ZNF66: variants seen among roughly 807,000 people sequenced by gnomAD.
ZNF66 encodes the protein zinc finger protein 66, also known as putative zinc finger protein 66.
In ZNF66, 32 loss-of-function variants were observed where a neutral mutation model predicts 35.2. That is an observed-to-expected ratio of 0.91 (90% CI 0.69 to 1.22). The LOEUF (loss-of-function observed/expected upper bound fraction) is 1.22, where lower values mean the gene tolerates loss of function less well. ZNF66 is among the 50% of genes most tolerant of loss of function. ZNF66 has a pLI of 0.00. For synonymous variants in ZNF66, 231 were observed against 181.3 expected (o/e 1.27, Z -2.20); for missense variants, 666 against 543.1 (o/e 1.23, Z -2.25).
rs759797562 is a variant in ZNF66 at position 20,809,109 on chromosome 19, T to G, written c.*1787T>G. ...GTGATGGAAGATGAAATGAATGAAA[T>G]GAAGTGAGAAGGGAAGTTTAGAGAA... On this transcript the variant is annotated 3_prime_UTR_variant, in exon 4 of 4. Coordinates refer to ENST00000344519, the MANE Select transcript of ZNF66 (RefSeq NM_001355197.2). Among the ~76,000 whole-genome samples, 11 of 151,294 alleles carry G rather than the reference T, an allele frequency of 7.3e-5. No individual in the cohort carries two copies. Among genetic ancestry groups the G allele is most frequent in the Admixed American group, 6.6e-5 (1 of 15,172 alleles).
At chr19:20,788,201 T>C (rs1971305158) in intron 1 of ZNF66, among the ~76,000 whole-genome samples, 1 of 152,154 alleles carries the variant, frequency 6.6e-6, no homozygotes, top group Non-Finnish European at 1.5e-5. Context: ...TGCTTCAATT[T>C]CATATAGCCA....
At chr19:20,779,182 C>G (rs1482536161) in intron 1 of ZNF66, among the ~76,000 whole-genome samples, 1 of 148,192 alleles carries the variant, frequency 6.7e-6, no homozygotes, top group African/African-American at 2.5e-5. Context: ...ACTTTCTGTA[C>G]TTTGTAAAAT....
At chr19:20,804,840 T>C (rs1470743609) in intron 3 of ZNF66, among the ~76,000 whole-genome samples, 2 of 152,206 alleles carry the variant, frequency 1.3e-5, no homozygotes, top group Non-Finnish European at 2.9e-5. Context: ...AATTGGCTTA[T>C]TCATATTTCT....
At chr19:20,794,533 G>A (rs1399375359) in intron 3 of ZNF66, 3 of 150,824 alleles carry the variant, frequency 2.0e-5, no homozygotes, top group African/African-American at 7.3e-5. Flanking sequence ...AATCACTTTG[G>A]ATAATATGAT....
At position 20,806,934 on chromosome 19, in the gene ZNF66, T is replaced by C. The variant is rs754970181; in HGVS notation, c.1334T>C (p.Ile445Thr). Residue 445 changes from isoleucine to threonine, a missense_variant, in exon 4 of 4, where the codon ATA (isoleucine) becomes ACA (threonine). Transcript: ENST00000344519. ...SRSSILTTHK[I>T]IHTGEKPYEC... ...TCCTCTATTCTTACTACACATAAGA[T>C]AATTCACACTGGAGAGAAACCCTAC... The C allele has an allele frequency of 5.2e-6, 6 of 1,158,148 alleles. No individual in the cohort carries two copies. The highest frequency in any genetic ancestry group is 6.5e-6 in the Non-Finnish European group (5 of 768,066). The allele number at this position is 1,158,148 out of a possible 1,614,324, so 71.7% of individuals were successfully genotyped here.
intron 1 of ZNF66, among the ~76,000 whole-genome samples, chr19:20,785,479 AT>A (rs1971278954): frequency 6.6e-6 from 1 of 152,208 alleles, no homozygotes; most frequent in African/African-American, 2.4e-5. Context: ...GGATATAAGC[AT>A]TTAGCATACC....
intron 1 of ZNF66, 160 bp downstream of exon 1, chr19:20,776,610 C>A: frequency 3.7e-6 from 4 of 1,067,718 alleles, no homozygotes; most frequent in Non-Finnish European, 4.1e-6. Flanking sequence ...GACAGCCTGG[C>A]CCCCGGGCGT....
rs575962200 is a variant in ZNF66 at position 20,807,157 on chromosome 19, G to C, written c.1557G>C (p.Lys519Asn). The C allele has an allele frequency of 2.0e-5, 13 of 645,606 alleles. No homozygotes were observed. The highest frequency in any genetic ancestry group is 3.4e-5 in the Non-Finnish European group (12 of 348,560). 40.0% of individuals were successfully genotyped at this position (645,606 alleles called of 1,614,324 possible). A position where few individuals can be genotyped will look rare whatever the true frequency, so the allele number is the denominator to read the frequency against. Residue 519 changes from lysine (K) to asparagine (N), a missense_variant, in exon 4 of 4, where the codon AAG becomes AAC. By Grantham distance (94) the Lys-to-Asn change is moderately conservative. Coordinates refer to ENST00000344519, the MANE Select transcript of ZNF66 (RefSeq NM_001355197.2). ...YKCEECGKDF[K>N]YSSTLTRHKK... ...GTGAAGAATGTGGCAAAGACTTTAAGTACTCCTCTACCCTTACTAGACATA... is the reference window on the plus strand; with the variant it reads ...GTGAAGAATGTGGCAAAGACTTTAACTACTCCTCTACCCTTACTAGACATA...
chr19:20,799,993 C>G (rs947718827), intron 3 of ZNF66, among the ~76,000 whole-genome samples: 4 of 152,192 alleles, frequency 2.6e-5, no homozygotes, highest in African/African-American at 9.7e-5. Flanking sequence ...AGAAAACACA[C>G]AGTGTATAAT....
chr19:20,778,035 A>G (rs1971211893), intron 1 of ZNF66, among the ~76,000 whole-genome samples: 1 of 152,192 alleles, frequency 6.6e-6, no homozygotes, highest in African/African-American at 2.4e-5. Context: ...GCTAAATTTT[A>G]AGTGATGAAA....
chr19:20,808,914 T>TTAAA lies in ZNF66; in HGVS notation c.*1593_*1594insAAAT, dbSNP rs1187806159. On this transcript the variant is annotated 3_prime_UTR_variant, in exon 4 of 4. Coordinates refer to ENST00000344519, the MANE Select transcript of ZNF66 (RefSeq NM_001355197.2). ...AACTACTCCGAGCTACAGGAGGAAA[T>TTAAA]TCAAACCAAAGGCAAAGAAGTTAAA... 6.7e-6 allele frequency among the ~76,000 whole-genome samples: 1 copy of TTAAA among 149,942 alleles called. No homozygotes were observed. The highest frequency in any genetic ancestry group is 1.5e-5 in the Non-Finnish European group (1 of 67,212).
intron 3 of ZNF66, among the ~76,000 whole-genome samples, chr19:20,805,200 T>C (rs1038490949): frequency 6.6e-6 from 1 of 151,864 alleles, no homozygotes; most frequent in Non-Finnish European, 1.5e-5. Context: ...TCTTGGTCAC[T>C]ACAATATCTG....
At chr19:20,796,369 C>T (rs773448213) in intron 3 of ZNF66, among the ~76,000 whole-genome samples, 25 of 152,092 alleles carry the variant, frequency 1.6e-4, no homozygotes, top group Non-Finnish European at 3.5e-4. Flanking sequence ...GGACAATGTG[C>T]TAGAATTTGC....
intron 1 of ZNF66, among the ~76,000 whole-genome samples, chr19:20,778,953 T>TAA (rs1253574469): frequency 1.3e-5 from 2 of 152,232 alleles, no homozygotes; most frequent in East Asian, 3.9e-4. Flanking sequence ...GGCTAATAAT[T>TAA]AAGCCTGCAA....
intron 1 of ZNF66, among the ~76,000 whole-genome samples, chr19:20,790,288 A>C (rs1425039183): frequency 2.0e-5 from 3 of 152,250 alleles, no homozygotes; most frequent in Non-Finnish European, 4.4e-5. Flanking sequence ...GGGTGGAAGC[A>C]TCCACGTTGT....
At chr19:20,781,434 T>A (rs777822043) in intron 1 of ZNF66, among the ~76,000 whole-genome samples, 2 of 152,208 alleles carry the variant, frequency 1.3e-5, no homozygotes, top group Non-Finnish European at 2.9e-5. Context: ...CCTCTTTGTG[T>A]TCGTGTGTTC....
At chr19:20,804,446 T>C (rs1017160739) in intron 3 of ZNF66, among the ~76,000 whole-genome samples, 1 of 152,068 alleles carries the variant, frequency 6.6e-6, no homozygotes, top group Non-Finnish European at 1.5e-5. Context: ...GGTTTCACCA[T>C]GTTGGCCAGG....
chr19:20,791,892 A>T (rs1257358605), intron 1 of ZNF66, among the ~76,000 whole-genome samples: 10 of 150,736 alleles, frequency 6.6e-5, no homozygotes, highest in Admixed American at 2.0e-4. Flanking sequence ...TATGCAGCTG[A>T]TGTGAACAAA....
Position 20,806,805 on chromosome 19 carries a change from G to A in ZNF66, c.1205G>A (p.Cys402Tyr). 2.3e-6 allele frequency: 3 copies of A among 1,305,730 alleles called. No individual in the cohort carries two copies. Among genetic ancestry groups the A allele is most frequent in the Non-Finnish European group, 3.3e-6 (3 of 902,274 alleles). 80.9% of individuals were successfully genotyped at this position (1,305,730 alleles called of 1,614,324 possible). Residue 402 changes from cysteine (C) to tyrosine (Y), a missense_variant, in exon 4 of 4, where the codon TGT becomes TAT. Transcript: ENST00000344519. ...AAGAAACCTTACAAATGTGAAGAAT[G>A]TGGCAAAGTGTTTAAGCACTCCTCT... is the stretch of plus-strand genomic sequence containing the variant. ...TGKKPYKCEECGKVFKHSSPL... is the reference protein window; with the variant it reads ...TGKKPYKCEEYGKVFKHSSPL...
Sources: gnomAD v4.1 joint callset for allele counts (sites outside exome capture counted in the v4.1 genomes callset) on GRCh38, gnomAD v4.1.1 for gene constraint, MANE v1.5 for transcripts, NCBI Gene and HGNC (gene_info 2026-07-23, HGNC 2026-07-21) for gene names.